HDAC1: variants seen among roughly 807,000 people sequenced by gnomAD.
HDAC1 encodes histone deacetylase 1, also known as protein deacetylase HDAC1.
Under a neutral mutation model 65.5 loss-of-function variants are expected in HDAC1, and 18 were observed. The ratio of observed to expected loss-of-function variants is 0.27; its 90% CI spans 0.19 to 0.41. The LOEUF (loss-of-function observed/expected upper bound fraction) is 0.41, where lower values mean the gene tolerates loss of function less well. HDAC1 is among the 10% of genes least tolerant of loss of function. The pLI, the probability that HDAC1 is intolerant of heterozygous loss-of-function variation, is 1.00. For missense variants in HDAC1, 373 were observed against 625.2 expected, an observed-to-expected ratio of 0.60 and a Z score of 4.30; for synonymous variants, 211 against 227.9, an observed-to-expected ratio of 0.93 and a Z score of 0.67.
intron 2 of HDAC1, among the ~76,000 whole-genome samples, chr1:32,309,696 A>C (rs1049147960): frequency 2.2e-4 from 32 of 148,448 alleles, no homozygotes; most frequent in Non-Finnish European, 3.5e-4. Context: ...AAAAAAAAAA[A>C]AAAAAACAAG....
At position 32,330,960 on chromosome 1, in the gene HDAC1, T is replaced by C. The variant is rs933204239; in HGVS notation, c.979+52T>C. On this transcript the variant is annotated intron_variant, in intron 9 of 13. Coordinates refer to ENST00000373548, the MANE Select transcript of HDAC1 (RefSeq NM_004964.3). The surrounding 1 kb of genome is among the most constrained non-coding windows in gnomAD (Gnocchi z 4.2). Reference sequence around the variant, plus strand: ...TGGGCTGGGTGGGAGCTGGAGCTCATCTGTCCTTAAGTTTATAACCCCTTC... The same window carrying C: ...TGGGCTGGGTGGGAGCTGGAGCTCACCTGTCCTTAAGTTTATAACCCCTTC... 6.3e-6 allele frequency: 10 copies of C among 1,594,090 alleles called. No individual in the cohort carries two copies. Among genetic ancestry groups the C allele is most frequent in the Admixed American group, 1.7e-5 (1 of 59,692 alleles).
At chr1:32,315,870 C>T (rs1029186367) in intron 2 of HDAC1, among the ~76,000 whole-genome samples, 1 of 151,236 alleles carries the variant, frequency 6.6e-6, no homozygotes, top group Non-Finnish European at 1.5e-5. Flanking sequence ...GAGGCTGAGG[C>T]AGGAGAATCG....
rs1557601039 is a variant in HDAC1, at chr1:32,302,734, G to T, written c.162+1G>T. On this transcript the variant is annotated splice_donor_variant, in intron 2 of 13. Transcript: ENST00000373548. LOFTEE classifies it high-confidence loss of function. ...TCTCTACCGAAAAATGGAAATCTAT[G>T]TGAGTTACCAGAGGTGCTACCGCTC... is the stretch of plus-strand genomic sequence containing the variant. 7.1e-7 allele frequency: 1 copy of T among 1,411,964 alleles called. No individual in the cohort carries two copies. The highest frequency in any genetic ancestry group is 1.0e-6 in the Non-Finnish European group (1 of 995,564). 87.5% of individuals were successfully genotyped at this position (1,411,964 alleles called of 1,614,324 possible). A position where few individuals can be genotyped will look rare whatever the true frequency, so the allele number is the denominator to read the frequency against.
intron 6 of HDAC1, among the ~76,000 whole-genome samples, chr1:32,328,536 G>C (rs577771771): frequency 1.3e-5 from 2 of 152,258 alleles, no homozygotes; most frequent in Admixed American, 6.5e-5. Context: ...GGCCAGGCTG[G>C]TCTCGAACTC....
Position 32,327,394 on chromosome 1 carries a change from A to T in HDAC1, c.495-142A>T. On this transcript the variant is annotated intron_variant, in intron 5 of 13. Transcript: ENST00000373548. The surrounding 1 kb of genome is among the most constrained non-coding windows in gnomAD (Gnocchi z 6.0). ...TCTGGAGACACCCGGCCGCTCTTCCACCTTCCTTCAGCCAGTTTCCACGTC... is the reference window on the plus strand; with the variant it reads ...TCTGGAGACACCCGGCCGCTCTTCCTCCTTCCTTCAGCCAGTTTCCACGTC... The T allele has an allele frequency of 1.4e-6, 1 of 722,698 alleles. No homozygotes were observed. The allele number at this position is 722,698 out of a possible 1,614,324, so 44.8% of individuals were successfully genotyped here.
At chr1:32,304,713 G>A (rs1302404252) in intron 2 of HDAC1, among the ~76,000 whole-genome samples, 1 of 152,148 alleles carries the variant, frequency 6.6e-6, no homozygotes, top group African/African-American at 2.4e-5. Context: ...GGGATTAAAG[G>A]TGTAAGCCAC....
At chr1:32,300,427 C>T (rs1280418198) in intron 1 of HDAC1, among the ~76,000 whole-genome samples, 1 of 152,052 alleles carries the variant, frequency 6.6e-6, no homozygotes, top group African/African-American at 2.4e-5. Flanking sequence ...TGGTGGCACG[C>T]ACCTGTAATC....
At position 32,331,840 on chromosome 1, in the gene HDAC1, T is replaced by C. The variant is rs1400465236; in HGVS notation, c.1219+34T>C. 4 of 1,569,440 alleles carry C rather than the reference T, an allele frequency of 2.5e-6. No homozygotes were observed. The highest frequency in any genetic ancestry group is 1.2e-5 in the South Asian group (1 of 86,368). Reference sequence around the variant, plus strand: ...CAGACCTAGAGCCCTATGCCTTCCATTCAATAGGCAGCTCACACTTCCACC... The same window carrying C: ...CAGACCTAGAGCCCTATGCCTTCCACTCAATAGGCAGCTCACACTTCCACC... On this transcript the variant is annotated intron_variant, in intron 11 of 13. Coordinates refer to ENST00000373548, the MANE Select transcript of HDAC1 (RefSeq NM_004964.3). The surrounding 1 kb of genome is among the most constrained non-coding windows in gnomAD (Gnocchi z 4.2).
intron 1 of HDAC1, among the ~76,000 whole-genome samples, chr1:32,295,974 CTAAGGAA>C (rs1640762435): frequency 8.5e-5 from 13 of 152,054 alleles, no homozygotes; most frequent in Admixed American, 8.5e-4. Flanking sequence ...GGGTGGAATT[CTAAGGAA>C]GTGGATTGAG....
chr1:32,311,150 G>A (rs369011633), intron 2 of HDAC1, among the ~76,000 whole-genome samples: 3 of 151,980 alleles, frequency 2.0e-5, no homozygotes, highest in Admixed American at 6.6e-5. Flanking sequence ...TGAATGTAGC[G>A]GATGAAAAAA....
chr1:32,315,976 A>G (rs1240991091), intron 2 of HDAC1, among the ~76,000 whole-genome samples: 1 of 142,696 alleles, frequency 7.0e-6, no homozygotes, highest in Non-Finnish European at 1.5e-5. Context: ...AAACAAACAA[A>G]CAAACAAAAA....
chr1:32,326,994 G>A lies in HDAC1; in HGVS notation c.411G>A (p.Gly137=). Reference sequence around the variant, plus strand: ...CGGACATCGCTGTGAATTGGGCTGGGGGCCTGCACCATGCAAAGAAGTCCG... The same window carrying A: ...CGGACATCGCTGTGAATTGGGCTGGAGGCCTGCACCATGCAAAGAAGTCCG... ...QQTDIAVNWA[G]GLHHAKKSEA... The change falls in exon 5 of 14, where the codon GGG becomes GGA. Residue 137 remains glycine, a synonymous_variant. Coordinates refer to ENST00000373548, the MANE Select transcript of HDAC1 (RefSeq NM_004964.3). 1.2e-6 allele frequency: 2 copies of A among 1,614,092 alleles called. No homozygotes were observed. The highest frequency in any genetic ancestry group is 1.7e-6 in the Non-Finnish European group (2 of 1,179,998).
chr1:32,293,985 T>C (rs934692454), intron 1 of HDAC1, among the ~76,000 whole-genome samples: 1 of 151,798 alleles, frequency 6.6e-6, no homozygotes, highest in Non-Finnish European at 1.5e-5. Flanking sequence ...CGAGAGTTGT[T>C]TGAACCTGGG....
At chr1:32,326,905 G>A in intron 4 of HDAC1, 34 bp from the exon 5 acceptor site, 2 of 1,611,264 alleles carry the variant, frequency 1.2e-6, no homozygotes, top group Middle Eastern at 1.9e-4. Context: ...GAGTGGCTTA[G>A]TAACAGGCTT....
In HDAC1 at chr1:32,299,901, A is replaced by G. The variant is rs1640822831; in HGVS notation, c.50-2720A>G. ...GAAACCCCGTCTTTACTAAAAGTACAAAAAAAATTAGCCGGGCTTGATGGC... is the reference window on the plus strand; with the variant it reads ...GAAACCCCGTCTTTACTAAAAGTACGAAAAAAATTAGCCGGGCTTGATGGC... On this transcript the variant is annotated intron_variant, in intron 1 of 13. Coordinates refer to ENST00000373548, the MANE Select transcript of HDAC1 (RefSeq NM_004964.3). 1.3e-5 allele frequency among the ~76,000 whole-genome samples: 2 copies of G among 151,900 alleles called. 1 individual carries two copies. Among genetic ancestry groups the G allele is most frequent in the South Asian group, 4.2e-4 (2 of 4,816 alleles).
At chr1:32,303,436 C>T (rs1014233609) in intron 2 of HDAC1, among the ~76,000 whole-genome samples, 2 of 151,234 alleles carry the variant, frequency 1.3e-5, no homozygotes, top group Non-Finnish European at 3.0e-5. Context: ...CCAGCCTGAG[C>T]GACAGAGTGA....
chr1:32,310,450 C>T lies in HDAC1; in HGVS notation c.163-6215C>T, dbSNP rs80337190. Among the ~76,000 whole-genome samples, 1,002 of 152,272 alleles carry T rather than the reference C, an allele frequency of 6.6e-3. 10 individuals are homozygous for T. The highest frequency in any genetic ancestry group is 0.023 in the African/African-American group (969 of 41,556). ...ACTCTATAACAGGCACAGTGACACA[C>T]GCTTGTAATCCCAGCTACTAGCAAG... is the stretch of plus-strand genomic sequence containing the variant. On this transcript the variant is annotated intron_variant, in intron 2 of 13. Transcript: ENST00000373548.
chr1:32,330,441 C>T lies in HDAC1; in HGVS notation c.730-137C>T. ...GGCAAGCAAGGGCTCCAGCCTAGCACTCCCTTTTCTCTCCCACATAGCATG... is the reference window on the plus strand; with the variant it reads ...GGCAAGCAAGGGCTCCAGCCTAGCATTCCCTTTTCTCTCCCACATAGCATG... On this transcript the variant is annotated intron_variant, in intron 7 of 13. Coordinates refer to ENST00000373548, the MANE Select transcript of HDAC1 (RefSeq NM_004964.3). The surrounding 1 kb of genome is among the most constrained non-coding windows in gnomAD (Gnocchi z 4.2). 1.4e-6 allele frequency: 1 copy of T among 703,020 alleles called. No individual in the cohort carries two copies. The highest frequency in any genetic ancestry group is 2.6e-6 in the Non-Finnish European group (1 of 392,060). The allele number at this position is 703,020 out of a possible 1,614,324, so 43.5% of individuals were successfully genotyped here. A position where few individuals can be genotyped will look rare whatever the true frequency, so the allele number is the denominator to read the frequency against.
intron 3 of HDAC1, among the ~76,000 whole-genome samples, chr1:32,321,257 A>G (rs964128033): frequency 1.3e-5 from 2 of 151,884 alleles, no homozygotes; most frequent in African/African-American, 2.4e-5. Context: ...TAATAATAAT[A>G]TAATGAACAT....
Sources: gnomAD v4.1 joint callset for allele counts (sites outside exome capture counted in the v4.1 genomes callset) on GRCh38, gnomAD v4.1.1 for gene constraint, Gnocchi (gnomAD v3.1) non-coding constraint, MANE v1.5 for transcripts, NCBI Gene and HGNC (gene_info 2026-07-23, HGNC 2026-07-21) for gene names.